The following SEMA3A variants were observed in gnomAD, a reference collection of about 807,000 sequenced individuals.
The protein encoded by SEMA3A is semaphorin 3A, also known as semaphorin-3A.
Under a neutral mutation model 97.9 loss-of-function variants are expected in SEMA3A, and 29 were observed. The ratio of observed to expected loss-of-function variants is 0.30; its 90% confidence interval spans 0.22 to 0.40. SEMA3A has a LOEUF of 0.40. Ranked by LOEUF, SEMA3A falls within the 10% of genes least tolerant of loss-of-function variation. The pLI is 1.00. For synonymous variants in SEMA3A, 321 were observed against 323.7 expected, an observed-to-expected ratio of 0.99 and a Z score of 0.09; for missense variants, 763 against 951.3, an observed-to-expected ratio of 0.80 and a Z score of 2.60.
chr7:84,181,354 T>C (rs1374826879), intron 1 of SEMA3A, among the ~76,000 whole-genome samples: 3 of 149,918 alleles, frequency 2.0e-5, no homozygotes, highest in South Asian at 2.1e-4. Flanking sequence ...CACATATACA[T>C]GAGTAGAAAG....
At chr7:83,988,935 G>A (rs189371014) in intron 12 of SEMA3A, among the ~76,000 whole-genome samples, 16 of 147,512 alleles carry the variant, frequency 1.1e-4, no homozygotes, top group African/African-American at 3.3e-4. Flanking sequence ...TCGGCTCACT[G>A]CAGGATCCGC....
At chr7:84,320,441 A>C (rs1440866174) in intron 2 of SEMA3A, among the ~76,000 whole-genome samples, 1 of 152,142 alleles carries the variant, frequency 6.6e-6, no homozygotes, top group African/African-American at 2.4e-5. Flanking sequence ...AAAAAATCTA[A>C]GTAGTTGTTT....
chr7:84,244,280 T>A (rs13224351), intron 3 of SEMA3A, among the ~76,000 whole-genome samples: 2 of 152,212 alleles, frequency 1.3e-5, no homozygotes, highest in African/African-American at 4.8e-5. Flanking sequence ...GCTCCTGTAT[T>A]GGGTGCATAT....
intron 2 of SEMA3A, among the ~76,000 whole-genome samples, chr7:84,366,647 T>A (rs1023192684): frequency 2.0e-5 from 3 of 151,316 alleles, no homozygotes; most frequent in African/African-American, 7.3e-5. Flanking sequence ...GAACACATAC[T>A]CTTTCTGCCT....
At chr7:84,256,793 G>A (rs1799728398) in intron 3 of SEMA3A, among the ~76,000 whole-genome samples, 1 of 151,976 alleles carries the variant, frequency 6.6e-6, no homozygotes, top group Non-Finnish European at 1.5e-5. Flanking sequence ...TAAATACAAA[G>A]TATTCTAAAC....
chr7:84,179,410 C>A (rs536579120), intron 1 of SEMA3A, among the ~76,000 whole-genome samples: 1 of 152,250 alleles, frequency 6.6e-6, no homozygotes, highest in East Asian at 1.9e-4. Flanking sequence ...TACTAGAAAG[C>A]CATTCTCCAT....
chr7:84,275,405 A>G (rs1026951096), intron 3 of SEMA3A, among the ~76,000 whole-genome samples: 1 of 152,108 alleles, frequency 6.6e-6, no homozygotes, highest in Non-Finnish European at 1.5e-5. Context: ...TACTTTTAAG[A>G]CAAAATTAAT....
chr7:84,010,044 C>G (rs2116410105), intron 9 of SEMA3A, among the ~76,000 whole-genome samples: 1 of 151,082 alleles, frequency 6.6e-6, no homozygotes, highest in South Asian at 2.1e-4. Flanking sequence ...AACCCTAGTG[C>G]TGTAATGCTG....
chr7:84,423,074 T>C (rs1804644044), intron 1 of SEMA3A, among the ~76,000 whole-genome samples: 1 of 152,050 alleles, frequency 6.6e-6, no homozygotes, highest in African/African-American at 2.4e-5. Context: ...AATAAAATAT[T>C]AAACATAGCT....
At chr7:84,416,265 T>G (rs530778189) in intron 1 of SEMA3A, among the ~76,000 whole-genome samples, 1 of 152,164 alleles carries the variant, frequency 6.6e-6, no homozygotes, top group East Asian at 1.9e-4. Flanking sequence ...ATCTGATGGG[T>G]GTATCGAGGA....
intron 3 of SEMA3A, among the ~76,000 whole-genome samples, chr7:84,279,568 T>C (rs549184479): frequency 1.2e-4 from 19 of 152,262 alleles, no homozygotes; most frequent in South Asian, 2.1e-4. Flanking sequence ...TTGGATTCAG[T>C]TGGAGTAATT....
rs967513999 is a variant in SEMA3A at position 83,973,461 on chromosome 7, A to G, written c.1717+3671T>C. On this transcript the variant is annotated intron_variant, in intron 15 of 16. Coordinates refer to ENST00000265362, the MANE Select transcript of SEMA3A (RefSeq NM_006080.3). ...ATCTGAGACTTGATGAAATTTGATA[A>G]TTTATTAAAGGTAGGGATTACTTTT... is the stretch of plus-strand genomic sequence containing the variant. Among the ~76,000 whole-genome samples the G allele has an allele frequency of 7.2e-5, 11 of 152,060 alleles. No homozygotes were observed. The South Asian group carries it at 1.9e-3, about 26-fold the overall frequency.
chr7:84,054,197 T>C (rs1385003026), intron 5 of SEMA3A, among the ~76,000 whole-genome samples: 1 of 152,244 alleles, frequency 6.6e-6, no homozygotes, highest in African/African-American at 2.4e-5. Flanking sequence ...TGTCTTGGAG[T>C]TGCTCTTCTC....
chr7:84,379,814 G>C (rs890371920), intron 1 of SEMA3A, among the ~76,000 whole-genome samples: 1 of 152,128 alleles, frequency 6.6e-6, no homozygotes, highest in African/African-American at 2.4e-5. Context: ...TCCTTCATAT[G>C]TTACTGCTTA....
At chr7:84,389,591 A>T (rs771710650) in intron 1 of SEMA3A, among the ~76,000 whole-genome samples, 22 of 152,108 alleles carry the variant, frequency 1.4e-4, no homozygotes, top group African/African-American at 5.1e-4. Flanking sequence ...AAACCTGTAC[A>T]GAGATCCTAA....
At chr7:84,449,909 G>T (rs1805514911) in intron 1 of SEMA3A, among the ~76,000 whole-genome samples, 1 of 152,078 alleles carries the variant, frequency 6.6e-6, no homozygotes, top group Non-Finnish European at 1.5e-5. Flanking sequence ...GAAATGGCAG[G>T]ATTTCCTTGT....
At chr7:84,011,632 G>T (rs1371645899) in intron 7 of SEMA3A, among the ~76,000 whole-genome samples, 1 of 152,088 alleles carries the variant, frequency 6.6e-6, no homozygotes, top group Non-Finnish European at 1.5e-5. Flanking sequence ...CTACAATTCA[G>T]CCTTAAGAAA....
intron 1 of SEMA3A, among the ~76,000 whole-genome samples, chr7:84,486,435 T>C (rs1190638298): frequency 3.3e-5 from 5 of 152,024 alleles, no homozygotes; most frequent in Non-Finnish European, 7.4e-5. Flanking sequence ...ACATCAAAGA[T>C]TTATTCCTAC....
chr7:84,435,479 G>A (rs576361062), intron 1 of SEMA3A, among the ~76,000 whole-genome samples: 4 of 152,192 alleles, frequency 2.6e-5, no homozygotes, highest in South Asian at 2.1e-4. Flanking sequence ...ATAATGGTGC[G>A]TGCCTATAGT....
Sources: allele counts gnomAD v4.1 joint callset (sites outside exome capture counted in the v4.1 genomes callset), GRCh38; gene constraint gnomAD v4.1.1; transcripts MANE v1.5; gene names NCBI Gene and HGNC (gene_info 2026-07-23, HGNC 2026-07-21).